The following TGM6 variants were observed in gnomAD, a reference collection of about 807,000 sequenced individuals.
The protein encoded by TGM6 is protein-glutamine gamma-glutamyltransferase 6.
Under a neutral mutation model 77.5 loss-of-function variants are expected in TGM6, and 74 were observed. The observed-to-expected ratio is 0.96, with a 90% confidence interval of 0.79 to 1.16. TGM6 has a LOEUF of 1.16. TGM6 is among the 50% of genes most tolerant of loss of function. The pLI, the probability that TGM6 is intolerant of heterozygous loss-of-function variation, is 0.00. For missense variants in TGM6, 968 were observed against 940.2 expected (o/e 1.03, Z -0.39); for synonymous variants, 383 against 378.9 (o/e 1.01, Z -0.12).
chr20:2,397,786 T>A, intron 4 of TGM6, 132 bp from the exon 5 acceptor site: 2 of 1,439,720 alleles, frequency 1.4e-6, no homozygotes, highest in Admixed American at 1.7e-5. Flanking sequence ...TGCTCTGTGA[T>A]GCCCCTGGTG....
chr20:2,399,529 C>T (rs758388917), intron 5 of TGM6, 32 bp from the exon 6 acceptor site: 1 of 1,612,116 alleles, frequency 6.2e-7, no homozygotes, highest in South Asian at 1.1e-5. Context: ...GAAGCCCTGC[C>T]TGGTTGTGGA....
chr20:2,387,278 C>T (rs1414096692), intron 1 of TGM6, among the ~76,000 whole-genome samples: 3 of 152,168 alleles, frequency 2.0e-5, no homozygotes, highest in Non-Finnish European at 4.4e-5. Context: ...TTTGTGCCTG[C>T]CCTAGAATGA....
chr20:2,426,812 TTG>T (rs1249602303), intron 10 of TGM6, among the ~76,000 whole-genome samples: 1 of 152,190 alleles, frequency 6.6e-6, no homozygotes, highest in African/African-American at 2.4e-5. Flanking sequence ...ACTATATTAA[TTG>T]ACCTTTAATA....
At chr20:2,429,312 C>A (rs917213053) in intron 10 of TGM6, among the ~76,000 whole-genome samples, 5 of 151,924 alleles carry the variant, frequency 3.3e-5, no homozygotes, top group African/African-American at 1.2e-4. Context: ...CCTTTAAGGA[C>A]CTTTTCCATG....
intron 3 of TGM6, 36 bp from the exon 4 acceptor site, chr20:2,396,470 C>G (rs1266437818): frequency 6.2e-7 from 1 of 1,602,030 alleles, no homozygotes; most frequent in Non-Finnish European, 8.6e-7. Context: ...AAGGCCAGAG[C>G]CCCAGTCCAC....
In TGM6 at chr20:2,400,324, T is replaced by G; in HGVS notation, c.869T>G (p.Ile290Arg). ...TCTGCAGTCCTCAGGTGCTTGGGGA[T>G]AGCCACACGGGTCGTGTCCAACTTC... The part of the protein sequence containing the change: ...VLCTVLRCLG[I>R]ATRVVSNFNS... Residue 290 changes from isoleucine (I) to arginine (R), a missense_variant, in exon 7 of 13, where the codon ATA (isoleucine) becomes AGA (arginine). Transcript: ENST00000202625. 1.9e-6 allele frequency: 3 copies of G among 1,614,152 alleles called. No homozygotes were observed. The Admixed American group carries it at 5.0e-5, about 27-fold the overall frequency.
chr20:2,409,373 A>T (rs968083107), intron 9 of TGM6, among the ~76,000 whole-genome samples: 1 of 152,196 alleles, frequency 6.6e-6, no homozygotes, highest in Admixed American at 6.5e-5. Flanking sequence ...ACCTATATTA[A>T]AGAAGAAAGA....
At chr20:2,409,680 C>A in intron 9 of TGM6, among the ~76,000 whole-genome samples, 1 of 151,266 alleles carries the variant, frequency 6.6e-6, no homozygotes, top group East Asian at 1.9e-4. Context: ...CCACTGCACT[C>A]CAGCCTGGAT....
chr20:2,432,752 C>T lies in TGM6; in HGVS notation c.*109C>T. 1.3e-6 allele frequency: 2 copies of T among 1,489,832 alleles called. No individual in the cohort carries two copies. Among genetic ancestry groups the T allele is most frequent in the Admixed American group, 3.4e-5 (2 of 58,530 alleles). The allele number at this position is 1,489,832 out of a possible 1,614,324, so 92.3% of individuals were successfully genotyped here. A position where few individuals can be genotyped will look rare whatever the true frequency, so the allele number is the denominator to read the frequency against. On this transcript the variant is annotated 3_prime_UTR_variant, in exon 13 of 13. Coordinates refer to ENST00000202625, the MANE Select transcript of TGM6 (RefSeq NM_198994.3). ...AGGCCTCAGTTAATCCTGCCTCAAC[C>T]TCTGCCCTACTTTGTAAACTTAGGC... is the stretch of plus-strand genomic sequence containing the variant.
intron 10 of TGM6, among the ~76,000 whole-genome samples, chr20:2,426,902 T>C (rs1436803173): frequency 6.6e-6 from 1 of 152,218 alleles, no homozygotes; most frequent in East Asian, 1.9e-4. Context: ...TAATTCAATT[T>C]ACCAATATTT....
intron 10 of TGM6, among the ~76,000 whole-genome samples, chr20:2,420,107 T>C (rs2084845746): frequency 6.6e-6 from 1 of 152,072 alleles, no homozygotes; most frequent in Non-Finnish European, 1.5e-5. Flanking sequence ...TAGCCGGGCG[T>C]GGCGGCATGC....
In TGM6 at chr20:2,380,953, T is replaced by C; in HGVS notation, c.-16T>C. Reference sequence around the variant, plus strand: ...ACTGCTGTGTGGAGGAACAGAGGAGTCCAGCTGGCCTTCACATGGCAGGTA... The same window carrying C: ...ACTGCTGTGTGGAGGAACAGAGGAGCCCAGCTGGCCTTCACATGGCAGGTA... On this transcript the variant is annotated 5_prime_UTR_variant, in exon 1 of 13. Coordinates refer to ENST00000202625, the MANE Select transcript of TGM6 (RefSeq NM_198994.3). The C allele has an allele frequency of 6.2e-7, 1 of 1,606,190 alleles. No homozygotes were observed. Among genetic ancestry groups the C allele is most frequent in the Non-Finnish European group, 8.5e-7 (1 of 1,177,894 alleles).
rs1028409840 is a variant in TGM6, at chr20:2,384,979, C to T, written c.7+4004C>T. On this transcript the variant is annotated intron_variant, in intron 1 of 12. Transcript: ENST00000202625. ...AGGCTGCCAGTTCTGTCCTCAGGGC[C>T]TTGGGTTCACTGTCAACTGGAGCAG... Among the ~76,000 whole-genome samples the T allele has an allele frequency of 2.8e-4, 43 of 152,138 alleles. 1 individual carries two copies. The highest frequency in any genetic ancestry group is 9.9e-4 in the African/African-American group (41 of 41,424).
intron 5 of TGM6, among the ~76,000 whole-genome samples, chr20:2,399,206 A>G (rs764967412): frequency 2.6e-5 from 4 of 152,238 alleles, no homozygotes; most frequent in Non-Finnish European, 5.9e-5. Flanking sequence ...TATAGTGTGC[A>G]CAAAATTCTT....
At chr20:2,429,835 G>A (rs1391176234) in intron 10 of TGM6, among the ~76,000 whole-genome samples, 1 of 152,180 alleles carries the variant, frequency 6.6e-6, no homozygotes, top group East Asian at 1.9e-4. Flanking sequence ...TAGGAAGGAT[G>A]TTTCTGACTG....
chr20:2,431,442 G>C (rs2084923577), intron 12 of TGM6, among the ~76,000 whole-genome samples: 1 of 152,046 alleles, frequency 6.6e-6, no homozygotes, highest in Admixed American at 6.5e-5. Flanking sequence ...TTTGTTCATG[G>C]ATTCGTTTAT....
At position 2,432,626 on chromosome 20, in the gene TGM6, G is replaced by A; in HGVS notation, c.2104G>A (p.Val702Met). 6.2e-7 allele frequency: 1 copy of A among 1,614,158 alleles called. No homozygotes were observed. The highest frequency in any genetic ancestry group is 8.5e-7 in the Non-Finnish European group (1 of 1,180,030). ...PDIKGFVIVH[V>M]ATAK is the part of the protein sequence containing the mutation. ...CATCAAGGGCTTTGTGATCGTCCATGTGGCCACTGCCAAGTGATGGATCAT... is the reference window on the plus strand; with the variant it reads ...CATCAAGGGCTTTGTGATCGTCCATATGGCCACTGCCAAGTGATGGATCAT... Residue 702 changes from valine to methionine, a missense_variant, in exon 13 of 13, where the codon GTG becomes ATG. By Grantham distance (21) the Val-to-Met change is conservative. Transcript: ENST00000202625.
At chr20:2,401,760 C>G (rs1362550639) in intron 7 of TGM6, among the ~76,000 whole-genome samples, 1 of 152,216 alleles carries the variant, frequency 6.6e-6, no homozygotes, top group Non-Finnish European at 1.5e-5. Context: ...AGGGTATGAA[C>G]CCAGTCTGCC....
chr20:2,419,327 TG>T (rs1456080840), intron 10 of TGM6, among the ~76,000 whole-genome samples: 1 of 152,238 alleles, frequency 6.6e-6, no homozygotes, highest in Non-Finnish European at 1.5e-5. Context: ...GGCCAGTTTC[TG>T]GTAAGTGAAG....
Sources: allele counts gnomAD v4.1 joint callset (sites outside exome capture counted in the v4.1 genomes callset), GRCh38; gene constraint gnomAD v4.1.1; transcripts MANE v1.5; gene names NCBI Gene and HGNC (gene_info 2026-07-23, HGNC 2026-07-21).